SUPT3H: variants seen among roughly 807,000 people sequenced by gnomAD.
SUPT3H encodes SPT3 homolog, SAGA and STAGA complex component.
In SUPT3H, 44 loss-of-function variants were observed where a neutral mutation model predicts 44.3. The ratio of observed to expected loss-of-function variants is 0.99; its 90% confidence interval spans 0.78 to 1.28. The LOEUF is 1.28. Among genes scored for constraint, SUPT3H ranks in the 50% most tolerant of loss-of-function variants. The pLI, the probability that SUPT3H is intolerant of heterozygous loss-of-function variation, is 0.00. For synonymous variants in SUPT3H, 124 were observed against 125.6 expected, an observed-to-expected ratio of 0.99 and a Z score of 0.09; for missense variants, 380 against 387.1, an observed-to-expected ratio of 0.98 and a Z score of 0.15.
chr6:45,164,017 A>G (rs563289582), intron 2 of SUPT3H, among the ~76,000 whole-genome samples: 22 of 152,296 alleles, frequency 1.4e-4, no homozygotes, highest in African/African-American at 5.3e-4. Flanking sequence ...ATGATCATTA[A>G]CAAACATGTA....
intron 2 of SUPT3H, among the ~76,000 whole-genome samples, chr6:45,172,582 A>C (rs575470877): frequency 8.6e-6 from 1 of 116,514 alleles, no homozygotes; most frequent in Non-Finnish European, 1.7e-5. Flanking sequence ...TAAATCCTTA[A>C]AGATAGATAT....
At chr6:45,116,883 A>T (rs2153577201) in intron 2 of SUPT3H, among the ~76,000 whole-genome samples, 1 of 152,186 alleles carries the variant, frequency 6.6e-6, no homozygotes, top group Admixed American at 6.5e-5. Flanking sequence ...AGTCAGTCCT[A>T]TTTCCCATCC....
chr6:44,932,581 C>A, intron 10 of SUPT3H, 72 bp downstream of exon 10: 1 of 1,097,390 alleles, frequency 9.1e-7, no homozygotes, highest in Non-Finnish European at 1.3e-6. Flanking sequence ...ATTGCTTCTT[C>A]ATTTGACCAC....
intron 9 of SUPT3H, among the ~76,000 whole-genome samples, chr6:44,938,347 A>G (rs1771837452): frequency 6.6e-6 from 1 of 151,988 alleles, no homozygotes; most frequent in Non-Finnish European, 1.5e-5. Context: ...TCCCCAGTGT[A>G]TGCTCTTGTT....
chr6:45,139,908 G>T (rs1387480081), intron 2 of SUPT3H, among the ~76,000 whole-genome samples: 2 of 152,088 alleles, frequency 1.3e-5, no homozygotes, highest in Admixed American at 1.3e-4. Context: ...GAATTCAGGG[G>T]GCAAACGGGA....
intron 2 of SUPT3H, among the ~76,000 whole-genome samples, chr6:45,147,956 G>C (rs1380362775): frequency 1.3e-5 from 2 of 152,012 alleles, no homozygotes; most frequent in African/African-American, 4.8e-5. Context: ...GATGATTACA[G>C]AAAAAATTAA....
intron 2 of SUPT3H, among the ~76,000 whole-genome samples, chr6:45,357,015 T>A (rs1459362570): frequency 1.3e-5 from 2 of 152,180 alleles, no homozygotes; most frequent in African/African-American, 4.8e-5. Flanking sequence ...AATCCATTTT[T>A]TTCTTTTCTG....
At chr6:45,280,515 C>A (rs1440638762) in intron 2 of SUPT3H, among the ~76,000 whole-genome samples, 1 of 151,814 alleles carries the variant, frequency 6.6e-6, no homozygotes, top group Non-Finnish European at 1.5e-5. Context: ...CAAAAAAAAC[C>A]TCTTAGGTAT....
intron 3 of SUPT3H, chr6:45,099,243 C>T: frequency 5.1e-6 from 1 of 195,300 alleles, no homozygotes; most frequent in Non-Finnish European, 1.1e-5. Flanking sequence ...GGAGCTCATG[C>T]CAGAAAACAT....
At chr6:45,113,605 C>G (rs1268888430) in intron 2 of SUPT3H, among the ~76,000 whole-genome samples, 3 of 152,028 alleles carry the variant, frequency 2.0e-5, no homozygotes, top group Non-Finnish European at 4.4e-5. Context: ...GTGGGTAGAT[C>G]ACCTGAGGTC....
intron 6 of SUPT3H, among the ~76,000 whole-genome samples, chr6:44,997,659 A>C (rs1235349080): frequency 3.3e-5 from 5 of 151,846 alleles, no homozygotes; most frequent in African/African-American, 1.2e-4. Flanking sequence ...AATGCCTTTT[A>C]TTGCACTGCC....
At chr6:45,028,812 C>T (rs571974203) in intron 3 of SUPT3H, among the ~76,000 whole-genome samples, 1 of 146,138 alleles carries the variant, frequency 6.8e-6, no homozygotes, top group Non-Finnish European at 1.5e-5. Context: ...CTAAATCAAG[C>T]CTTACATTGC....
intron 1 of SUPT3H, among the ~76,000 whole-genome samples, chr6:45,376,465 C>T (rs1796787371): frequency 6.6e-6 from 1 of 152,130 alleles, no homozygotes; most frequent in African/African-American, 2.4e-5. Flanking sequence ...AAATTAAGTT[C>T]CTCAGTGACA....
chr6:44,886,747 G>A (rs562135767), intron 10 of SUPT3H, among the ~76,000 whole-genome samples: 188 of 152,194 alleles, frequency 1.2e-3, no homozygotes, highest in African/African-American at 2.0e-3. Context: ...ATAATGACAG[G>A]ATCAAATTCA....
intron 2 of SUPT3H, among the ~76,000 whole-genome samples, chr6:45,209,991 G>T (rs575241114): frequency 6.6e-6 from 1 of 152,028 alleles, no homozygotes; most frequent in Non-Finnish European, 1.5e-5. Context: ...CACACTGAAG[G>T]CTCAGATGAT....
chr6:45,218,428 C>G (rs940310127), intron 2 of SUPT3H, among the ~76,000 whole-genome samples: 1 of 152,112 alleles, frequency 6.6e-6, no homozygotes, highest in Non-Finnish European at 1.5e-5. Flanking sequence ...CCTATCTCAA[C>G]AATTGATGAA....
At chr6:45,121,639 C>T (rs1404189925) in intron 2 of SUPT3H, among the ~76,000 whole-genome samples, 2 of 151,804 alleles carry the variant, frequency 1.3e-5, no homozygotes, top group Admixed American at 1.3e-4. Context: ...ACTCACATAA[C>T]TCATTTCTAC....
chr6:45,150,829 T>G (rs1806845215), intron 2 of SUPT3H, among the ~76,000 whole-genome samples: 1 of 148,686 alleles, frequency 6.7e-6, no homozygotes, highest in Non-Finnish European at 1.5e-5. Context: ...TTCAAGCAAT[T>G]TTCCTGCCTC....
chr6:45,264,178 A>G lies in SUPT3H; in HGVS notation c.101+101023T>C, dbSNP rs578097244. Among the ~76,000 whole-genome samples the G allele has an allele frequency of 8.5e-5, 13 of 152,276 alleles. No individual in the cohort carries two copies. In the East Asian group the frequency reaches 2.5e-3, roughly 29 times the overall value. On this transcript the variant is annotated intron_variant, in intron 2 of 10. Coordinates refer to ENST00000371459, the MANE Select transcript of SUPT3H (RefSeq NM_003599.4). The stretch of plus-strand genomic sequence containing the variant: ...TATTTTTTAAAAAATTTACATAAGC[A>G]TTATAAAACAGAAATGACAAAGTGC...
Sources: gnomAD v4.1 joint callset for allele counts (sites outside exome capture counted in the v4.1 genomes callset) on GRCh38, gnomAD v4.1.1 for gene constraint, MANE v1.5 for transcripts, NCBI Gene and HGNC (gene_info 2026-07-23, HGNC 2026-07-21) for gene names.